THSD4: variants seen among roughly 807,000 people sequenced by gnomAD.
THSD4 encodes the protein thrombospondin type 1 domain containing 4.
THSD4 carries 69 observed loss-of-function variants against 119.0 expected under a neutral mutation model. The ratio of observed to expected loss-of-function variants is 0.58; its 90% CI spans 0.48 to 0.71. The LOEUF (loss-of-function observed/expected upper bound fraction) is 0.71, where lower values mean the gene tolerates loss of function less well. THSD4 is among the 30% of genes least tolerant of loss of function. The pLI is 0.00. For missense variants in THSD4, 1,393 were observed against 1,391.1 expected, an observed-to-expected ratio of 1.00 and a Z score of -0.02; for synonymous variants, 524 against 540.4, an observed-to-expected ratio of 0.97 and a Z score of 0.42.
At chr15:71,454,490 TC>T (rs2047309878) in intron 7 of THSD4, among the ~76,000 whole-genome samples, 1 of 152,186 alleles carries the variant, frequency 6.6e-6, no homozygotes, top group African/African-American at 2.4e-5. Context: ...GCTGTGGGGC[TC>T]CAGGGCCAAG....
At chr15:71,442,660 G>GTATGTATA (rs1555414328) in intron 7 of THSD4, among the ~76,000 whole-genome samples, 2 of 25,818 alleles carry the variant, frequency 7.7e-5, no homozygotes, top group African/African-American at 1.1e-4. Flanking sequence ...GTGTGTGTGT[G>GTATGTATA]TATATATATA....
intron 11 of THSD4, among the ~76,000 whole-genome samples, chr15:71,739,108 A>AC (rs1567129132): frequency 1.3e-5 from 2 of 152,188 alleles, no homozygotes; most frequent in South Asian, 2.1e-4. Context: ...GAAAAAAAAA[A>AC]AAAAAACAAA....
At chr15:71,675,944 C>T (rs2051638064) in intron 8 of THSD4, among the ~76,000 whole-genome samples, 1 of 152,196 alleles carries the variant, frequency 6.6e-6, no homozygotes, top group African/African-American at 2.4e-5. Flanking sequence ...TTGCACCCTC[C>T]TCACTGTTCC....
chr15:71,726,882 A>AGAC (rs2052850408), intron 8 of THSD4, among the ~76,000 whole-genome samples: 2 of 151,906 alleles, frequency 1.3e-5, no homozygotes, highest in Admixed American at 6.6e-5. Context: ...GGTTGCAGTG[A>AGAC]GACGAGATCG....
intron 6 of THSD4, among the ~76,000 whole-genome samples, chr15:71,391,879 T>TGCAAGAACCATACAG (rs1408341515): frequency 6.6e-6 from 1 of 152,162 alleles, no homozygotes; most frequent in Non-Finnish European, 1.5e-5. Context: ...GGTGGCTGTT[T>TGCAAGAACCATACAG]GCAAGAACCA....
At chr15:71,752,392 A>T (rs1007464453) in intron 14 of THSD4, among the ~76,000 whole-genome samples, 1 of 152,260 alleles carries the variant, frequency 6.6e-6, no homozygotes, top group Non-Finnish European at 1.5e-5. Context: ...TAAATAGAGC[A>T]AAGAATGAGC....
At chr15:71,261,486 A>G (rs924550821) in intron 6 of THSD4, among the ~76,000 whole-genome samples, 1 of 152,194 alleles carries the variant, frequency 6.6e-6, no homozygotes, top group African/African-American at 2.4e-5. Context: ...GATATATTAC[A>G]TCAGTCCTAG....
intron 6 of THSD4, among the ~76,000 whole-genome samples, chr15:71,363,045 C>G (rs2045914205): frequency 6.6e-6 from 1 of 151,720 alleles, no homozygotes; most frequent in Non-Finnish European, 1.5e-5. Context: ...TGTGTTGGGC[C>G]ACATTCAAAG....
At position 71,377,149 on chromosome 15, in the gene THSD4, G is replaced by C. The variant is rs186711209; in HGVS notation, c.1016-34538G>C. 5.3e-5 allele frequency among the ~76,000 whole-genome samples: 8 copies of C among 152,296 alleles called. No individual in the cohort carries two copies. The East Asian group carries it at 7.7e-4, about 15-fold the overall frequency. On this transcript the variant is annotated intron_variant, in intron 6 of 17. Coordinates refer to ENST00000261862, the MANE Select transcript of THSD4 (RefSeq NM_024817.3). Reference sequence around the variant, plus strand: ...TGGCAGGATGGCTGATTTCATGAAGGGGGTAAAGGACAGAGAAGAGTCAAG... The same window carrying C: ...TGGCAGGATGGCTGATTTCATGAAGCGGGTAAAGGACAGAGAAGAGTCAAG...
chr15:71,703,940 C>T (rs886795386), intron 8 of THSD4, among the ~76,000 whole-genome samples: 6 of 152,182 alleles, frequency 3.9e-5, no homozygotes, highest in African/African-American at 1.4e-4. Context: ...GGCTCTGCCT[C>T]CCGGGTTCAC....
At chr15:71,578,788 T>C (rs1156341202) in intron 7 of THSD4, among the ~76,000 whole-genome samples, 1 of 152,080 alleles carries the variant, frequency 6.6e-6, no homozygotes, top group Non-Finnish European at 1.5e-5. Context: ...TTTAATGATA[T>C]TTGGTGTTAT....
At chr15:71,426,275 G>C (rs933495955) in intron 7 of THSD4, among the ~76,000 whole-genome samples, 1 of 152,106 alleles carries the variant, frequency 6.6e-6, no homozygotes, top group Non-Finnish European at 1.5e-5. Context: ...CAAGGTAACT[G>C]TTTCCAAATG....
intron 6 of THSD4, among the ~76,000 whole-genome samples, chr15:71,345,036 C>T (rs756635359): frequency 5.3e-5 from 8 of 151,986 alleles, no homozygotes; most frequent in Admixed American, 2.6e-4. Context: ...CAGAGAAAAT[C>T]GGGAGACAAA....
At chr15:71,217,515 C>T (rs907106726) in intron 4 of THSD4, among the ~76,000 whole-genome samples, 4 of 151,504 alleles carry the variant, frequency 2.6e-5, no homozygotes, top group Admixed American at 6.6e-5. Flanking sequence ...CCCAGCTACT[C>T]GGGAGGCTGA....
Position 71,647,825 on chromosome 15 carries a change from T to C in THSD4, c.1153-12705T>C, listed in dbSNP as rs540213937. Among the ~76,000 whole-genome samples, 167 of 152,234 alleles carry C rather than the reference T, an allele frequency of 1.1e-3. 1 individual carries two copies. Among genetic ancestry groups the C allele is most frequent in the African/African-American group, 3.9e-3 (160 of 41,554 alleles). On this transcript the variant is annotated intron_variant, in intron 7 of 17. Coordinates refer to ENST00000261862, the MANE Select transcript of THSD4 (RefSeq NM_024817.3). ...AATATGGGACTTCAGAGGACTTCAA[T>C]ATGGGATTGCAAGGGAATCAAGAGA... is the stretch of plus-strand genomic sequence containing the variant.
At chr15:71,184,807 A>G (rs938813434) in intron 3 of THSD4, among the ~76,000 whole-genome samples, 1 of 151,888 alleles carries the variant, frequency 6.6e-6, no homozygotes, top group Non-Finnish European at 1.5e-5. Context: ...ACTGTCTATC[A>G]TTAGGTTACC....
chr15:71,572,625 C>A (rs974164806), intron 7 of THSD4, among the ~76,000 whole-genome samples: 6 of 152,078 alleles, frequency 3.9e-5, no homozygotes, highest in African/African-American at 1.4e-4. Context: ...AGGAGCCACC[C>A]CCTTGAAGAC....
intron 1 of THSD4, among the ~76,000 whole-genome samples, chr15:71,136,156 A>G (rs1482009309): frequency 6.6e-6 from 1 of 151,746 alleles, no homozygotes; most frequent in Non-Finnish European, 1.5e-5. Flanking sequence ...GTTGTATAGC[A>G]TGACTTACGT....
chr15:71,428,768 A>G (rs953056522), intron 7 of THSD4, among the ~76,000 whole-genome samples: 2 of 152,336 alleles, frequency 1.3e-5, no homozygotes, highest in South Asian at 2.1e-4. Context: ...CAGGGCCCCA[A>G]CAGGAAATAA....
Sources: gnomAD v4.1 joint callset for allele counts (sites outside exome capture counted in the v4.1 genomes callset) on GRCh38, gnomAD v4.1.1 for gene constraint, MANE v1.5 for transcripts, NCBI Gene and HGNC (gene_info 2026-07-23, HGNC 2026-07-21) for gene names.